Variants in CDH12 observed in about 807,000 individuals in gnomAD.
The protein encoded by CDH12 is cadherin 12, also known as cadherin-12.
Under a neutral mutation model 74.1 loss-of-function variants are expected in CDH12, and 41 were observed. The ratio of observed to expected loss-of-function variants is 0.55; its 90% CI spans 0.43 to 0.72. The LOEUF (loss-of-function observed/expected upper bound fraction) is 0.72, where lower values mean the gene tolerates loss of function less well. Among genes scored for constraint, CDH12 ranks in the 30% least tolerant of loss-of-function variants. CDH12 has a pLI of 0.00. For synonymous variants in CDH12, 399 were observed against 355.0 expected (o/e 1.12, Z -1.39); for missense variants, 945 against 977.2 (o/e 0.97, Z 0.44).
intron 5 of CDH12, among the ~76,000 whole-genome samples, chr5:21,987,234 G>A (rs923475209): frequency 2.0e-5 from 3 of 151,818 alleles, no homozygotes; most frequent in Admixed American, 6.6e-5. Flanking sequence ...ATATAAGTAC[G>A]ATTTCAAAAA....
At chr5:22,198,479 C>T (rs1026466410) in intron 4 of CDH12, among the ~76,000 whole-genome samples, 3 of 152,040 alleles carry the variant, frequency 2.0e-5, no homozygotes, top group Non-Finnish European at 4.4e-5. Flanking sequence ...TAACAAATGC[C>T]TAAGGAACTT....
At chr5:22,598,223 A>G (rs924290103) in intron 1 of CDH12, among the ~76,000 whole-genome samples, 2 of 152,208 alleles carry the variant, frequency 1.3e-5, no homozygotes, top group South Asian at 2.1e-4. Flanking sequence ...ATTCTCCAGT[A>G]AATACAAAAA....
At chr5:21,813,351 G>C (rs1466715533) in intron 9 of CDH12, among the ~76,000 whole-genome samples, 4 of 151,992 alleles carry the variant, frequency 2.6e-5, no homozygotes, top group Non-Finnish European at 5.9e-5. Context: ...ATGTTGGCAG[G>C]CACCTGTAAT....
At chr5:21,795,627 C>A (rs569676525) in intron 10 of CDH12, among the ~76,000 whole-genome samples, 1 of 151,782 alleles carries the variant, frequency 6.6e-6, no homozygotes, top group South Asian at 2.1e-4. Context: ...ACATTTATAC[C>A]AATACTTCAT....
intron 5 of CDH12, among the ~76,000 whole-genome samples, chr5:22,017,778 T>C (rs1737691544): frequency 6.6e-6 from 1 of 151,458 alleles, no homozygotes; most frequent in African/African-American, 2.4e-5. Flanking sequence ...TTTTTTTTTT[T>C]GAGACAGTTT....
chr5:21,931,542 GT>G (rs1208647666), intron 6 of CDH12, among the ~76,000 whole-genome samples: 3 of 152,116 alleles, frequency 2.0e-5, no homozygotes, highest in African/African-American at 4.8e-5. Flanking sequence ...AATGTCACAT[GT>G]TTTTTCAATG....
intron 1 of CDH12, among the ~76,000 whole-genome samples, chr5:22,593,357 C>A (rs1459414262): frequency 3.9e-5 from 6 of 152,134 alleles, no homozygotes; most frequent in Non-Finnish European, 8.8e-5. Flanking sequence ...GGGACCAAAA[C>A]CCTAAGGTTC....
chr5:22,270,538 T>A (rs1736346123), intron 3 of CDH12, among the ~76,000 whole-genome samples: 1 of 150,498 alleles, frequency 6.6e-6, no homozygotes, highest in Non-Finnish European at 1.5e-5. Context: ...GAGGTTGCAG[T>A]GAGCTGAGAT....
intron 1 of CDH12, among the ~76,000 whole-genome samples, chr5:22,532,148 AAC>A (rs1490236318): frequency 2.6e-5 from 4 of 151,330 alleles, no homozygotes; most frequent in Non-Finnish European, 5.9e-5. Context: ...TGTGTACTCA[AAC>A]ACAGCCTGCC....
intron 3 of CDH12, among the ~76,000 whole-genome samples, chr5:22,264,831 G>A (rs1753650473): frequency 2.0e-5 from 3 of 152,152 alleles, no homozygotes; most frequent in South Asian, 4.1e-4. Context: ...GCTTGTGTGA[G>A]GCAAGAAGTG....
intron 2 of CDH12, among the ~76,000 whole-genome samples, chr5:22,438,384 G>C (rs1580650322): frequency 6.6e-6 from 1 of 152,010 alleles, no homozygotes; most frequent in East Asian, 1.9e-4. Flanking sequence ...CACCAAGGAA[G>C]TGTTATTGCG....
At chr5:21,785,590 G>C (rs1746154603) in intron 10 of CDH12, among the ~76,000 whole-genome samples, 1 of 152,146 alleles carries the variant, frequency 6.6e-6, no homozygotes, top group Non-Finnish European at 1.5e-5. Flanking sequence ...AGAAACTTTA[G>C]CGGTCTGGAT....
At chr5:21,993,691 C>T (rs2547657) in intron 5 of CDH12, among the ~76,000 whole-genome samples, 3,624 of 150,720 alleles carry the variant, frequency 0.024, 75 homozygotes, top group Non-Finnish European at 0.035. Flanking sequence ...CCTCAAGAGA[C>T]GAACACAGCC....
At chr5:22,226,175 C>T (rs943754437) in intron 3 of CDH12, among the ~76,000 whole-genome samples, 2 of 151,688 alleles carry the variant, frequency 1.3e-5, no homozygotes, top group African/African-American at 4.8e-5. Context: ...CAAGGGCGGA[C>T]CTCTCTATTC....
intron 2 of CDH12, among the ~76,000 whole-genome samples, chr5:22,415,347 AATCTGC>A (rs1251105968): frequency 6.6e-6 from 1 of 152,162 alleles, no homozygotes; most frequent in African/African-American, 2.4e-5. Flanking sequence ...CTTTATGGTA[AATCTGC>A]AAAAATGGCC....
At chr5:22,281,382 A>C (rs1314113119) in intron 3 of CDH12, among the ~76,000 whole-genome samples, 1 of 152,154 alleles carries the variant, frequency 6.6e-6, no homozygotes, top group Non-Finnish European at 1.5e-5. Context: ...CAGGGCAATC[A>C]GGCAAGATAA....
intron 3 of CDH12, among the ~76,000 whole-genome samples, chr5:22,322,208 A>T (rs1425721651): frequency 6.6e-6 from 1 of 152,210 alleles, no homozygotes; most frequent in African/African-American, 2.4e-5. Context: ...AAAGAGAAGC[A>T]TAACAATATG....
intron 3 of CDH12, among the ~76,000 whole-genome samples, chr5:22,355,895 T>G (rs1484623286): frequency 6.6e-6 from 1 of 152,162 alleles, no homozygotes; most frequent in Non-Finnish European, 1.5e-5. Context: ...GGGAAACATA[T>G]AAAGGCACAG....
intron 2 of CDH12, among the ~76,000 whole-genome samples, chr5:22,416,528 GAAAGGAAGTACA>G (rs1388639744): frequency 2.6e-5 from 4 of 152,088 alleles, no homozygotes; most frequent in Non-Finnish European, 5.9e-5. Flanking sequence ...TTTCAAACCA[GAAAGGAAGTACA>G]AATGACCTCA....
Sources: allele counts gnomAD v4.1 joint callset (sites outside exome capture counted in the v4.1 genomes callset), GRCh38; gene constraint gnomAD v4.1.1; transcripts MANE v1.5; gene names NCBI Gene and HGNC (gene_info 2026-07-23, HGNC 2026-07-21).